The following LMNTD1 variants were observed in gnomAD, a reference collection of about 807,000 sequenced individuals.
The protein encoded by LMNTD1 is lamin tail domain-containing protein 1.
Under a neutral mutation model 50.9 loss-of-function variants are expected in LMNTD1, and 35 were observed. The ratio of observed to expected loss-of-function variants is 0.69; its 90% CI spans 0.53 to 0.91. The LOEUF (loss-of-function observed/expected upper bound fraction) is 0.91, where lower values mean the gene tolerates loss of function less well. LMNTD1 is among the 40% of genes least tolerant of loss of function. The pLI is 0.00. For synonymous variants in LMNTD1, 153 were observed against 161.9 expected, an observed-to-expected ratio of 0.94 and a Z score of 0.42; for missense variants, 470 against 475.5, an observed-to-expected ratio of 0.99 and a Z score of 0.11.
At chr12:25,537,449 T>C (rs1344938413) in intron 4 of LMNTD1, among the ~76,000 whole-genome samples, 3 of 152,112 alleles carry the variant, frequency 2.0e-5, no homozygotes, top group Admixed American at 2.0e-4. Context: ...GGAGGCACCC[T>C]CCAGCAGGGG....
At chr12:25,530,395 TATGTC>T (rs1262263312) in intron 4 of LMNTD1, among the ~76,000 whole-genome samples, 1 of 152,200 alleles carries the variant, frequency 6.6e-6, no homozygotes, top group Non-Finnish European at 1.5e-5. Flanking sequence ...TCCCTGCTCT[TATGTC>T]ATATTTTCTT....
chr12:25,567,559 G>A (rs1944604206), intron 1 of LMNTD1, among the ~76,000 whole-genome samples: 1 of 152,120 alleles, frequency 6.6e-6, no homozygotes, highest in African/African-American at 2.4e-5. Context: ...GGCCTAGTGG[G>A]AGGTGATGGG....
chr12:25,637,340 G>A (rs1702416717), intron 1 of LMNTD1, among the ~76,000 whole-genome samples: 1 of 152,032 alleles, frequency 6.6e-6, no homozygotes, highest in African/African-American at 2.4e-5. Flanking sequence ...AAGAAATAAA[G>A]TAAACCAAGT....
At chr12:25,633,477 C>T (rs1194563937) in intron 1 of LMNTD1, among the ~76,000 whole-genome samples, 12 of 152,184 alleles carry the variant, frequency 7.9e-5, no homozygotes, top group African/African-American at 2.9e-4. Flanking sequence ...ATCAAGCACT[C>T]TGTCAGACCA....
intron 8 of LMNTD1, among the ~76,000 whole-genome samples, chr12:25,512,162 T>C (rs537477017): frequency 2.2e-4 from 33 of 152,248 alleles, no homozygotes; most frequent in Non-Finnish European, 4.4e-4. Context: ...AAATCAGTAT[T>C]GTCTTTTGCA....
At position 25,561,577 on chromosome 12, in the gene LMNTD1, G is replaced by A. The variant is rs527971660; in HGVS notation, c.59-15023C>T. Among the ~76,000 whole-genome samples, 14 of 152,246 alleles carry A rather than the reference G, an allele frequency of 9.2e-5. No individual in the cohort carries two copies. The East Asian group carries it at 1.9e-3, about 21-fold the overall frequency. On this transcript the variant is annotated intron_variant, in intron 1 of 7. Transcript: ENST00000445693. Reference sequence around the variant, plus strand: ...TACTTTCAACTATGTGGTCAATTTTGGAATAAGTGTGATGTGGTACTGAGA... The same window carrying A: ...TACTTTCAACTATGTGGTCAATTTTAGAATAAGTGTGATGTGGTACTGAGA...
At chr12:25,595,921 C>A (rs1945834889) in intron 1 of LMNTD1, among the ~76,000 whole-genome samples, 1 of 151,750 alleles carries the variant, frequency 6.6e-6, no homozygotes, top group African/African-American at 2.4e-5. Context: ...TAAATGACAC[C>A]ACAGAAATAC....
At chr12:25,502,688 T>C (rs1030699523) in intron 9 of LMNTD1, among the ~76,000 whole-genome samples, 9 of 152,248 alleles carry the variant, frequency 5.9e-5, no homozygotes, top group Admixed American at 1.3e-4. Context: ...AGGCTTTGAA[T>C]AGAGAAGTTG....
intron 1 of LMNTD1, among the ~76,000 whole-genome samples, chr12:25,631,148 A>C (rs1946710181): frequency 6.6e-6 from 1 of 151,982 alleles, no homozygotes; most frequent in Non-Finnish European, 1.5e-5. Flanking sequence ...AGACCCATCC[A>C]AGGAGACTCT....
At chr12:25,591,835 G>GAGAGAGAA (rs1945707149) in intron 1 of LMNTD1, among the ~76,000 whole-genome samples, 1 of 140,690 alleles carries the variant, frequency 7.1e-6, no homozygotes, top group Non-Finnish European at 1.5e-5. Context: ...GAGAGAGAGA[G>GAGAGAGAA]AGAGAGAGAG....
At chr12:25,520,356 T>C (rs1025046668) in intron 6 of LMNTD1, among the ~76,000 whole-genome samples, 3 of 152,128 alleles carry the variant, frequency 2.0e-5, no homozygotes, top group Middle Eastern at 3.4e-3. Context: ...TGCTACTTTA[T>C]ATCCTTTGAC....
At chr12:25,542,308 C>G (rs1251236107) in intron 4 of LMNTD1, among the ~76,000 whole-genome samples, 2 of 151,462 alleles carry the variant, frequency 1.3e-5, no homozygotes, top group Admixed American at 6.6e-5. Flanking sequence ...ATAGCAAAGA[C>G]TTGGAACCAA....
chr12:25,500,773 A>G (rs1056062228), intron 9 of LMNTD1, among the ~76,000 whole-genome samples: 1 of 152,172 alleles, frequency 6.6e-6, no homozygotes, highest in Non-Finnish European at 1.5e-5. Flanking sequence ...TAACTTGCGA[A>G]AAGTTCTGTT....
chr12:25,501,033 G>C (rs1251734497), intron 9 of LMNTD1, among the ~76,000 whole-genome samples: 1 of 152,054 alleles, frequency 6.6e-6, no homozygotes, highest in Non-Finnish European at 1.5e-5. Context: ...TCTGTTGCCC[G>C]GGCTGGAGTG....
Position 25,481,694 on chromosome 12 carries a change from T to C in LMNTD1, c.*23-5234A>G, listed in dbSNP as rs1938449328. Reference sequence around the variant, plus strand: ...TTATCACTGCTAAACTGTGGCTGGATAGACAACAGGCTAAATCCCAATAGA... The same window carrying C: ...TTATCACTGCTAAACTGTGGCTGGACAGACAACAGGCTAAATCCCAATAGA... On this transcript the variant is annotated intron_variant, in intron 9 of 9. Coordinates refer to ENST00000458174, the MANE Select transcript of LMNTD1 (RefSeq NM_001145728.2). 2.0e-5 allele frequency among the ~76,000 whole-genome samples: 3 copies of C among 151,420 alleles called. 1 individual carries two copies. The South Asian group carries it at 6.2e-4, about 31-fold the overall frequency.
chr12:25,476,713 C>T (rs944631191), intron 9 of LMNTD1, among the ~76,000 whole-genome samples: 1 of 151,926 alleles, frequency 6.6e-6, no homozygotes, highest in Non-Finnish European at 1.5e-5. Context: ...TATGATTTTC[C>T]CCAGTTTTGA....
chr12:25,619,956 T>C (rs1946437283), intron 1 of LMNTD1, among the ~76,000 whole-genome samples: 2 of 152,244 alleles, frequency 1.3e-5, no homozygotes, highest in South Asian at 4.1e-4. Flanking sequence ...TGCCCAGCCC[T>C]TCAAGGGAAT....
At chr12:25,632,758 A>G (rs1946747892) in intron 1 of LMNTD1, among the ~76,000 whole-genome samples, 1 of 152,192 alleles carries the variant, frequency 6.6e-6, no homozygotes, top group Admixed American at 6.5e-5. Context: ...AAAACAAAAA[A>G]TAAAAAACCT....
chr12:25,611,290 G>C (rs909541142), intron 1 of LMNTD1, among the ~76,000 whole-genome samples: 1 of 152,176 alleles, frequency 6.6e-6, no homozygotes, highest in African/African-American at 2.4e-5. Flanking sequence ...AGACCACGAA[G>C]ATAAATAATT....
Sources: allele counts gnomAD v4.1 joint callset (sites outside exome capture counted in the v4.1 genomes callset), GRCh38; gene constraint gnomAD v4.1.1; transcripts MANE v1.5; gene names NCBI Gene and HGNC (gene_info 2026-07-23, HGNC 2026-07-21).